The following SLC22A3 variants were observed in gnomAD, a reference collection of about 807,000 sequenced individuals.
SLC22A3 encodes solute carrier family 22 member 3.
A neutral mutation model predicts 59.1 loss-of-function variants in SLC22A3; 51 were observed. That is an observed-to-expected ratio of 0.86 (90% CI 0.69 to 1.09). The LOEUF is 1.09. Among genes scored for constraint, SLC22A3 ranks in the 50% least tolerant of loss-of-function variants. The pLI, the probability that SLC22A3 is intolerant of heterozygous loss-of-function variation, is 0.00. For synonymous variants in SLC22A3, 325 were observed against 292.0 expected (o/e 1.11, Z -1.15); for missense variants, 711 against 726.3 (o/e 0.98, Z 0.24).
chr6:160,418,513 C>T (rs1175475750), intron 5 of SLC22A3, among the ~76,000 whole-genome samples: 1 of 152,186 alleles, frequency 6.6e-6, no homozygotes, highest in Non-Finnish European at 1.5e-5. Context: ...AATAAACTCC[C>T]TTTCATAGAT....
chr6:160,349,649 C>T (rs1398947461), intron 1 of SLC22A3, among the ~76,000 whole-genome samples: 1 of 152,134 alleles, frequency 6.6e-6, no homozygotes, highest in Non-Finnish European at 1.5e-5. Flanking sequence ...TTCCTTCACC[C>T]TTGCCCTCAG....
chr6:160,398,154 A>C, intron 2 of SLC22A3, 72 bp downstream of exon 2: 1 of 1,114,734 alleles, frequency 9.0e-7, no homozygotes, highest in Non-Finnish European at 1.4e-6. Flanking sequence ...AAAATGTTTT[A>C]TGTTAACTAT....
chr6:160,412,373 T>C (rs1465908268), intron 5 of SLC22A3, among the ~76,000 whole-genome samples: 4 of 151,962 alleles, frequency 2.6e-5, no homozygotes, highest in Admixed American at 2.0e-4. Context: ...AAAAAAGAAC[T>C]GGGTTTTGTT....
rs143965054 is a variant in SLC22A3, at chr6:160,392,591, A to T, written c.430-5388A>T. 1.8e-3 allele frequency among the ~76,000 whole-genome samples: 276 copies of T among 152,372 alleles called. 2 individuals are homozygous for T. The highest frequency in any genetic ancestry group is 0.01 in the Middle Eastern group (3 of 294). On this transcript the variant is annotated intron_variant, in intron 1 of 10. Coordinates refer to ENST00000275300, the MANE Select transcript of SLC22A3 (RefSeq NM_021977.4). The stretch of plus-strand genomic sequence containing the variant: ...CCAACATACCTGATAATTACTCTTT[A>T]TACCTGTAGTATAAGAAGTGTTAAC...
At chr6:160,390,628 A>T (rs1197093296) in intron 1 of SLC22A3, among the ~76,000 whole-genome samples, 1 of 152,118 alleles carries the variant, frequency 6.6e-6, no homozygotes, top group Non-Finnish European at 1.5e-5. Context: ...TGAGTGAGCC[A>T]CCAGGGAGAT....
chr6:160,398,026 C>T lies in SLC22A3; in HGVS notation c.477C>T (p.Ala159=). 6.2e-7 allele frequency: 1 copy of T among 1,613,810 alleles called. No homozygotes were observed. Among genetic ancestry groups the T allele is most frequent in the South Asian group, 1.1e-5 (1 of 91,072 alleles). Residue 159 remains alanine, a synonymous_variant, in exon 2 of 11, where the codon GCC becomes GCT. Transcript: ENST00000275300. ...CGTGGATGCTGGACCTCACCCAAGC[C>T]ATCCTGAACCTCGGCTTCCTGACTG... ...VNAWMLDLTQ[A]ILNLGFLTGA...
rs1022149989 is a variant in SLC22A3, at chr6:160,355,536, C to T, written c.429+6688C>T. ...CAGCACTTTGGGAGGCCAAGGTGGG[C>T]AGATCACGAGGTCAGGAGATCGAGA... On this transcript the variant is annotated intron_variant, in intron 1 of 10. Coordinates refer to ENST00000275300, the MANE Select transcript of SLC22A3 (RefSeq NM_021977.4). Among the ~76,000 whole-genome samples the T allele has an allele frequency of 2.0e-5, 3 of 151,572 alleles. No individual in the cohort carries two copies. The East Asian group carries it at 5.8e-4, about 29-fold the overall frequency.
At chr6:160,398,206 C>A (rs977503236) in intron 2 of SLC22A3, 124 bp downstream of exon 2, 17 of 706,706 alleles carry the variant, frequency 2.4e-5, no homozygotes, top group Non-Finnish European at 4.3e-5. Flanking sequence ...ATTCTTGATT[C>A]CATCATTCAT....
chr6:160,397,748 A>AG (rs1786553043), intron 1 of SLC22A3, among the ~76,000 whole-genome samples: 1 of 151,674 alleles, frequency 6.6e-6, no homozygotes, highest in Non-Finnish European at 1.5e-5. Context: ...AAAAAAAAAA[A>AG]AGAACGATGT....
chr6:160,429,067 C>G (rs1472504854), intron 5 of SLC22A3, among the ~76,000 whole-genome samples: 1 of 152,218 alleles, frequency 6.6e-6, no homozygotes, highest in South Asian at 2.1e-4. Context: ...CACTGCCGAG[C>G]TTCCTCCCAG....
At chr6:160,355,986 G>A (rs954765767) in intron 1 of SLC22A3, among the ~76,000 whole-genome samples, 10 of 152,144 alleles carry the variant, frequency 6.6e-5, no homozygotes, top group Admixed American at 2.6e-4. Context: ...GAGGGCCGGC[G>A]CTCTGCCCTC....
At chr6:160,426,397 A>T in intron 5 of SLC22A3, 1 of 967,634 alleles carries the variant, frequency 1.0e-6, no homozygotes, top group Non-Finnish European at 1.2e-6. Flanking sequence ...CTCAGGCATC[A>T]TTGGGCTGTG....
chr6:160,413,829 C>T (rs1436775730), intron 5 of SLC22A3, among the ~76,000 whole-genome samples: 2 of 152,262 alleles, frequency 1.3e-5, no homozygotes, highest in South Asian at 2.1e-4. Context: ...GTTCCACTTC[C>T]CTGATTGTCC....
At chr6:160,381,929 G>T (rs551187328) in intron 1 of SLC22A3, among the ~76,000 whole-genome samples, 1 of 152,096 alleles carries the variant, frequency 6.6e-6, no homozygotes, top group Non-Finnish European at 1.5e-5. Context: ...AATTCTAAAG[G>T]ACATATGTAT....
At chr6:160,362,853 C>T (rs575014575) in intron 1 of SLC22A3, among the ~76,000 whole-genome samples, 1 of 152,340 alleles carries the variant, frequency 6.6e-6, no homozygotes, top group Non-Finnish European at 1.5e-5. Context: ...CCGGCAGCCG[C>T]GCGCTCAGAG....
At position 160,398,032 on chromosome 6, in the gene SLC22A3, G is replaced by A; in HGVS notation, c.483G>A (p.Leu161=). 6.2e-7 allele frequency: 1 copy of A among 1,613,786 alleles called. No homozygotes were observed. The highest frequency in any genetic ancestry group is 8.5e-7 in the Non-Finnish European group (1 of 1,179,750). Residue 161 remains leucine, a synonymous_variant, in exon 2 of 11, where the codon CTG becomes CTA. Transcript: ENST00000275300. ...TGCTGGACCTCACCCAAGCCATCCT[G>A]AACCTCGGCTTCCTGACTGGAGCAT... ...AWMLDLTQAI[L]NLGFLTGAFT...
rs200083406 is a variant in SLC22A3, at chr6:160,436,845, G to A, written c.1041G>A (p.Met347Ile). The A allele has an allele frequency of 6.2e-7, 1 of 1,613,860 alleles. No homozygotes were observed. Among genetic ancestry groups the A allele is most frequent in the Non-Finnish European group, 8.5e-7 (1 of 1,179,856 alleles). Residue 347 changes from methionine to isoleucine, a missense_variant, in exon 6 of 11, where the codon ATG becomes ATA. Coordinates refer to ENST00000275300, the MANE Select transcript of SLC22A3 (RefSeq NM_021977.4). Reference sequence around the variant, plus strand: ...TAGATCTGGTGAGAACTCCCCAAATGAGGAAATGCACACTTATTCTTATGT... The same window carrying A: ...TAGATCTGGTGAGAACTCCCCAAATAAGGAAATGCACACTTATTCTTATGT... ...SFLDLVRTPQ[M>I]RKCTLILMFA...
At chr6:160,422,515 C>T (rs1441680680) in intron 5 of SLC22A3, among the ~76,000 whole-genome samples, 1 of 152,222 alleles carries the variant, frequency 6.6e-6, no homozygotes, top group South Asian at 2.1e-4. Context: ...CTCATACAAA[C>T]AGCGTGCGGC....
At position 160,451,082 on chromosome 6, in the gene SLC22A3, G is replaced by A; in HGVS notation, c.*26G>A. On this transcript the variant is annotated 3_prime_UTR_variant, in exon 11 of 11. Transcript: ENST00000275300. ...GGCCCCCGACAAAGACAGAAAGAAG[G>A]AGCTATCCAGGAGCTGATCCTCCTT... 6.3e-7 allele frequency: 1 copy of A among 1,577,528 alleles called. No homozygotes were observed.
Sources: allele counts gnomAD v4.1 joint callset (sites outside exome capture counted in the v4.1 genomes callset), GRCh38; gene constraint gnomAD v4.1.1; transcripts MANE v1.5; gene names NCBI Gene and HGNC (gene_info 2026-07-23, HGNC 2026-07-21).